PCDH9: variants seen among roughly 807,000 people sequenced by gnomAD.
The protein encoded by PCDH9 is protocadherin-9.
In PCDH9, 24 loss-of-function variants were observed where a neutral mutation model predicts 70.6. The ratio of observed to expected loss-of-function variants is 0.34; its 90% CI spans 0.25 to 0.48. The LOEUF (loss-of-function observed/expected upper bound fraction) is 0.48. Ranked by LOEUF, PCDH9 falls within the 20% of genes least tolerant of loss-of-function variation. The probability of loss-of-function intolerance (pLI) is 0.99; values close to 1 mark genes in which losing one functional copy is unlikely to be tolerated. For missense variants in PCDH9, 1,281 were observed against 1,503.6 expected (o/e 0.85, Z 2.45); for synonymous variants, 562 against 558.5 (o/e 1.01, Z -0.09).
intron 3 of PCDH9, among the ~76,000 whole-genome samples, chr13:66,871,157 A>G (rs2081672748): frequency 1.3e-5 from 2 of 150,878 alleles, no homozygotes; most frequent in African/African-American, 2.4e-5. Context: ...CAAGCACCGC[A>G]TATTCTCACT....
At chr13:66,503,239 G>A (rs1359810464) in intron 4 of PCDH9, among the ~76,000 whole-genome samples, 2 of 152,144 alleles carry the variant, frequency 1.3e-5, no homozygotes, top group Admixed American at 1.3e-4. Context: ...TGGTTTGCTA[G>A]AAGTTTCAGA....
chr13:66,453,058 T>C (rs939429462), intron 4 of PCDH9, among the ~76,000 whole-genome samples: 1 of 152,230 alleles, frequency 6.6e-6, no homozygotes, highest in East Asian at 1.9e-4. Flanking sequence ...GGATAAGACA[T>C]TTAAAATACA....
chr13:66,508,132 G>T (rs1959275016), intron 4 of PCDH9, among the ~76,000 whole-genome samples: 1 of 152,210 alleles, frequency 6.6e-6, no homozygotes, highest in African/African-American at 2.4e-5. Flanking sequence ...ATTTAAAACA[G>T]TTCCTGAAAC....
At chr13:66,849,509 TATATATATAGAGAGAGAG>T (rs1330542556) in intron 3 of PCDH9, among the ~76,000 whole-genome samples, 1 of 86,666 alleles carries the variant, frequency 1.2e-5, no homozygotes, top group Middle Eastern at 7.9e-3. Flanking sequence ...TATATATATA[TATATATATAGAGAGAGAG>T]AGAGAGAGAG....
intron 2 of PCDH9, among the ~76,000 whole-genome samples, chr13:67,005,943 T>C (rs578081604): frequency 6.6e-6 from 1 of 152,212 alleles, no homozygotes; most frequent in African/African-American, 2.4e-5. Context: ...TTGGATCTTA[T>C]AGGCCAGGCG....
At chr13:66,585,354 C>A (rs1342212527) in intron 4 of PCDH9, among the ~76,000 whole-genome samples, 1 of 151,712 alleles carries the variant, frequency 6.6e-6, no homozygotes, top group African/African-American at 2.4e-5. Context: ...AGTACCTTTA[C>A]CATCCCCCCC....
At chr13:66,728,058 TC>T (rs1166220572) in intron 3 of PCDH9, among the ~76,000 whole-genome samples, 10 of 152,136 alleles carry the variant, frequency 6.6e-5, no homozygotes, top group Non-Finnish European at 5.9e-5. Context: ...ACCAACTTGG[TC>T]ATCCAGAGTA....
chr13:66,312,814 C>T (rs906141051), intron 4 of PCDH9, among the ~76,000 whole-genome samples: 5 of 152,136 alleles, frequency 3.3e-5, no homozygotes, highest in Non-Finnish European at 7.4e-5. Context: ...TGGACAAAAC[C>T]TCTGGTGAAC....
intron 3 of PCDH9, among the ~76,000 whole-genome samples, chr13:66,828,808 T>TAAAAAAAAAAAAAAA (rs1481233258): frequency 1.7e-5 from 2 of 120,388 alleles, no homozygotes; most frequent in African/African-American, 5.6e-5. Flanking sequence ...AAGCCATACA[T>TAAAAAAAAAAAAAAA]AAAATAATAA....
At chr13:66,839,485 A>G (rs1206771002) in intron 3 of PCDH9, among the ~76,000 whole-genome samples, 1 of 152,152 alleles carries the variant, frequency 6.6e-6, no homozygotes, top group Non-Finnish European at 1.5e-5. Context: ...CAGTCACGCC[A>G]GCTACGCCTC....
intron 4 of PCDH9, among the ~76,000 whole-genome samples, chr13:66,480,555 A>G (rs1211270032): frequency 6.6e-6 from 1 of 152,242 alleles, no homozygotes; most frequent in Non-Finnish European, 1.5e-5. Context: ...TAATGCAACA[A>G]ACATCTTTGT....
chr13:66,769,470 A>G (rs1209583591), intron 3 of PCDH9, among the ~76,000 whole-genome samples: 3 of 151,090 alleles, frequency 2.0e-5, no homozygotes, highest in Non-Finnish European at 4.4e-5. Flanking sequence ...CCGGCATCGT[A>G]GTAGCAACAT....
intron 3 of PCDH9, among the ~76,000 whole-genome samples, chr13:66,634,528 A>T (rs969103133): frequency 6.6e-6 from 1 of 152,110 alleles, no homozygotes; most frequent in African/African-American, 2.4e-5. Flanking sequence ...CCAGAACCAG[A>T]CCTCATGGCT....
At chr13:67,028,043 A>T (rs2084823951) in intron 2 of PCDH9, among the ~76,000 whole-genome samples, 1 of 151,138 alleles carries the variant, frequency 6.6e-6, no homozygotes, top group Non-Finnish European at 1.5e-5. Flanking sequence ...TAGAAATACC[A>T]TTTGACCCAG....
chr13:67,154,601 TATATAC>T (rs1455732523), intron 2 of PCDH9, among the ~76,000 whole-genome samples: 8 of 93,438 alleles, frequency 8.6e-5, no homozygotes, highest in African/African-American at 2.6e-4. Flanking sequence ...AAAAAATATA[TATATAC>T]ACACACACAC....
At chr13:66,622,684 C>A (rs2077440706) in intron 4 of PCDH9, among the ~76,000 whole-genome samples, 1 of 152,158 alleles carries the variant, frequency 6.6e-6, no homozygotes, top group African/African-American at 2.4e-5. Context: ...ACGCACCAAT[C>A]AGCGCCCTGT....
chr13:66,543,182 A>G (rs1566404617), intron 4 of PCDH9, among the ~76,000 whole-genome samples: 1 of 152,254 alleles, frequency 6.6e-6, no homozygotes, highest in South Asian at 2.1e-4. Context: ...GATGAAAATC[A>G]CTGACACGTT....
At chr13:66,888,148 C>T (rs1309523574) in intron 3 of PCDH9, among the ~76,000 whole-genome samples, 1 of 152,086 alleles carries the variant, frequency 6.6e-6, no homozygotes, top group African/African-American at 2.4e-5. Context: ...ATCAAAATTG[C>T]CATTCTCATC....
At chr13:66,396,025 T>A (rs1957096026) in intron 4 of PCDH9, among the ~76,000 whole-genome samples, 1 of 152,152 alleles carries the variant, frequency 6.6e-6, no homozygotes, top group African/African-American at 2.4e-5. Context: ...GAGGCAGATA[T>A]AAACAAAAAG....
Sources: allele counts gnomAD v4.1 joint callset (sites outside exome capture counted in the v4.1 genomes callset), GRCh38; gene constraint gnomAD v4.1.1; transcripts MANE v1.5; gene names NCBI Gene and HGNC (gene_info 2026-07-23, HGNC 2026-07-21).